EPRS1: variants seen among roughly 807,000 people sequenced by gnomAD.
EPRS1 encodes the protein bifunctional glutamate/proline--tRNA ligase.
A neutral mutation model predicts 188.3 loss-of-function variants in EPRS1; 107 were observed. The ratio of observed to expected loss-of-function variants is 0.57; its 90% CI spans 0.49 to 0.67. The LOEUF (loss-of-function observed/expected upper bound fraction) is 0.67, where lower values mean the gene tolerates loss of function less well. Ranked by LOEUF, EPRS1 falls within the 30% of genes least tolerant of loss-of-function variation. EPRS1 has a pLI of 0.00. For missense variants in EPRS1, 1,577 were observed against 1,802.2 expected (o/e 0.88, Z 2.26); for synonymous variants, 596 against 593.1 (o/e 1.00, Z -0.07).
At chr1:219,984,880 T>G (rs1369759424) in intron 20 of EPRS1, among the ~76,000 whole-genome samples, 1 of 151,840 alleles carries the variant, frequency 6.6e-6, no homozygotes, top group African/African-American at 2.4e-5. Context: ...CTGTCTCTAC[T>G]AAAAACAAAA....
At chr1:219,970,380 G>A (rs938366712) in intron 30 of EPRS1, among the ~76,000 whole-genome samples, 3 of 151,618 alleles carry the variant, frequency 2.0e-5, no homozygotes, top group African/African-American at 7.3e-5. Flanking sequence ...AGCTTCTTCA[G>A]CAGCTTCTCA....
At position 219,985,049 on chromosome 1, in the gene EPRS1, GAAA is replaced by G. The variant is rs1305874124; in HGVS notation, c.3039-795_3039-793del. ...ACAAAAGTGAAACTCCGTCTCAAAA[GAAA>G]AAAAAAAAAAAAAGAAAGAAACAAA... On this transcript the variant is annotated intron_variant, in intron 20 of 31. Coordinates refer to ENST00000366923, the MANE Select transcript of EPRS1 (RefSeq NM_004446.3). 8.4e-3 allele frequency among the ~76,000 whole-genome samples: 801 copies of G among 95,242 alleles called. 9 individuals carry two copies. Among genetic ancestry groups the G allele is most frequent in the African/African-American group, 0.027 (777 of 28,906 alleles). 62.5% of individuals were successfully genotyped at this position (95,242 alleles called of 152,430 possible). A position where few individuals can be genotyped will look rare whatever the true frequency, so the allele number is the denominator to read the frequency against.
intron 17 of EPRS1, 40 bp downstream of exon 17, chr1:220,001,098 G>A (rs1414636940): frequency 4.6e-6 from 5 of 1,080,628 alleles, no homozygotes; most frequent in South Asian, 1.2e-5. Context: ...GGGATAGAAA[G>A]ACCATTTATT....
chr1:219,971,943 A>T (rs1056081876), intron 30 of EPRS1, 126 bp downstream of exon 30: 1 of 419,370 alleles, frequency 2.4e-6, no homozygotes, highest in Non-Finnish European at 4.3e-6. Context: ...ATAAATGTTG[A>T]GTAATGTACT....
chr1:219,983,336 G>A lies in EPRS1; in HGVS notation c.3153C>T (p.Pro1051=), dbSNP rs1660935714. The A allele has an allele frequency of 6.2e-7, 1 of 1,613,886 alleles. No individual in the cohort carries two copies. The highest frequency in any genetic ancestry group is 1.3e-5 in the African/African-American group (1 of 74,928). Residue 1051 remains proline, a synonymous_variant, in exon 22 of 32, where the codon CCC becomes CCT. Coordinates refer to ENST00000366923, the MANE Select transcript of EPRS1 (RefSeq NM_004446.3). The stretch of plus-strand genomic sequence containing the variant: ...TGGCTTCCCAAATGGCATAGGCCCA[G>A]GGACGAAGAATATAACAGCCACTTA... ...HDISGCYILR[P]WAYAIWEAIK...
chr1:219,972,230 TG>T (rs1366381437), intron 29 of EPRS1, 83 bp from the exon 30 acceptor site: 25 of 864,166 alleles, frequency 2.9e-5, no homozygotes, highest in South Asian at 2.4e-4. Flanking sequence ...CACAATTTAA[TG>T]AAAAGACAAC....
Position 219,968,735 on chromosome 1 carries a change from T to A in EPRS1, c.*71A>T. On this transcript the variant is annotated 3_prime_UTR_variant, in exon 32 of 32. Transcript: ENST00000366923. ...TTTTAAAAAATCATAAAACGGTCTG[T>A]ATCTGAGAAGATACTAATATCAATG... 1 of 1,441,740 alleles carries A rather than the reference T, an allele frequency of 6.9e-7. No homozygotes were observed. Among genetic ancestry groups the A allele is most frequent in the Non-Finnish European group, 9.7e-7 (1 of 1,027,822 alleles). The allele number at this position is 1,441,740 out of a possible 1,614,324, so 89.3% of individuals were successfully genotyped here.
chr1:220,012,602 T>G (rs564714942), intron 12 of EPRS1, among the ~76,000 whole-genome samples: 1 of 152,316 alleles, frequency 6.6e-6, no homozygotes, highest in South Asian at 2.1e-4. Context: ...TTCAAAGACT[T>G]AAAAGGTATT....
rs1219105736 is a variant in EPRS1 at position 220,033,512 on chromosome 1, G to A, written c.378C>T (p.Ala126=). 1 of 1,607,844 alleles carries A rather than the reference G, an allele frequency of 6.2e-7. No homozygotes were observed. Among genetic ancestry groups the A allele is most frequent in the Admixed American group, 1.7e-5 (1 of 58,596 alleles). Reference sequence around the variant, plus strand: ...AAGAATTATTGATACCTTTTAGGGTGGCCCAAACACATAAATCTGCTAAAC... The same window carrying A: ...AAGAATTATTGATACCTTTTAGGGTAGCCCAAACACATAAATCTGCTAAAC... The part of the protein sequence containing the change: ...SLSLADLCVW[A]TLKGNAAWQE... Residue 126 remains alanine, a synonymous_variant, in exon 4 of 32, where the codon GCC becomes GCT. Coordinates refer to ENST00000366923, the MANE Select transcript of EPRS1 (RefSeq NM_004446.3).
chr1:219,973,524 A>ACAAC, intron 28 of EPRS1, 126 bp from the exon 29 acceptor site: 1 of 474,054 alleles, frequency 2.1e-6, no homozygotes. Flanking sequence ...AGCCAAAAAA[A>ACAAC]ACAAGAGAAA....
In EPRS1 at chr1:219,983,315, T is replaced by C. The variant is rs766687895; in HGVS notation, c.3174A>G (p.Glu1058=). ...CAGCATCAAAAAAGTCCTTGATGGCTTCCCAAATGGCATAGGCCCAGGGAC... is the reference window on the plus strand; with the variant it reads ...CAGCATCAAAAAAGTCCTTGATGGCCTCCCAAATGGCATAGGCCCAGGGAC... ...ILRPWAYAIW[E]AIKDFFDAEI... The change falls in exon 22 of 32, where the codon GAA becomes GAG. Residue 1058 remains glutamate, a synonymous_variant. Coordinates refer to ENST00000366923, the MANE Select transcript of EPRS1 (RefSeq NM_004446.3). 9 of 1,613,788 alleles carry C rather than the reference T, an allele frequency of 5.6e-6. No homozygotes were observed. The Admixed American group carries it at 1.0e-4, about 18-fold the overall frequency.
chr1:219,989,006 A>C (rs1661068238), intron 18 of EPRS1, among the ~76,000 whole-genome samples, 183 bp from the exon 19 acceptor site: 1 of 152,182 alleles, frequency 6.6e-6, no homozygotes. Context: ...ATTATATATA[A>C]GCTGAATAAA....
chr1:220,041,296 C>T (rs1037027956), intron 1 of EPRS1, among the ~76,000 whole-genome samples: 3 of 151,482 alleles, frequency 2.0e-5, no homozygotes, highest in African/African-American at 7.3e-5. Flanking sequence ...TGCACCACTG[C>T]GTTCCTGCCT....
chr1:219,983,420 T>C (rs531218241), intron 21 of EPRS1, 22 bp from the exon 22 acceptor site: 258 of 1,574,052 alleles, frequency 1.6e-4, no homozygotes, highest in Admixed American at 3.4e-4. Context: ...AAAAATAGTC[T>C]TTAAAGCTTA....
rs1008682926 is a variant in EPRS1 at position 220,046,496 on chromosome 1, C to G, written c.-108G>C. ...AACGTGTGCGCGTACCCGACGCCGC[C>G]GCAGCCTTCGCTCCGCCCCTGCGCC... On this transcript the variant is annotated 5_prime_UTR_variant, in exon 1 of 32. Coordinates refer to ENST00000366923, the MANE Select transcript of EPRS1 (RefSeq NM_004446.3). The G allele has an allele frequency of 5.3e-6, 8 of 1,517,364 alleles. No homozygotes were observed. Among genetic ancestry groups the G allele is most frequent in the Middle Eastern group, 3.7e-4 (2 of 5,384 alleles). 94.0% of individuals were successfully genotyped at this position (1,517,364 alleles called of 1,614,324 possible). A position where few individuals can be genotyped will look rare whatever the true frequency, so the allele number is the denominator to read the frequency against.
At chr1:220,036,989 G>C (rs1390122818) in intron 2 of EPRS1, among the ~76,000 whole-genome samples, 1 of 151,580 alleles carries the variant, frequency 6.6e-6, no homozygotes, top group African/African-American at 2.4e-5. Flanking sequence ...AGAAAAATGG[G>C]ATAATAAAGT....
Position 220,032,458 on chromosome 1 carries a change from A to C in EPRS1, c.457T>G (p.Phe153Val), listed in dbSNP as rs1662105752. Residue 153 changes from phenylalanine (F) to valine (V), a missense_variant, in exon 5 of 32, where the codon TTT becomes GTT. Coordinates refer to ENST00000366923, the MANE Select transcript of EPRS1 (RefSeq NM_004446.3). ...APVHVKRWFGFLEAQQAFQSV... is the reference protein window; with the variant it reads ...APVHVKRWFGVLEAQQAFQSV... ...TGGAAGGCCTGCTGGGCTTCAAGAA[A>C]GCCAAACCAACGTTTTACATGAACT... The C allele has an allele frequency of 6.2e-7, 1 of 1,613,952 alleles. No homozygotes were observed. Among genetic ancestry groups the C allele is most frequent in the East Asian group, 2.2e-5 (1 of 44,864 alleles).
Position 220,022,360 on chromosome 1 carries a change from C to T in EPRS1, c.1102G>A (p.Gly368Arg). Residue 368 changes from glycine (G) to arginine (R), a missense_variant, in exon 9 of 32, where the codon GGA becomes AGA. Coordinates refer to ENST00000366923, the MANE Select transcript of EPRS1 (RefSeq NM_004446.3). ...RCKIQPHPRTGNKYNVYPTYD... is the reference protein window; with the variant it reads ...RCKIQPHPRTRNKYNVYPTYD... ...AGATATACTTACTTGTATTTATTTCCAGTTCTTGGATGTGGTTGAATTTTG... is the reference window on the plus strand; with the variant it reads ...AGATATACTTACTTGTATTTATTTCTAGTTCTTGGATGTGGTTGAATTTTG... 2 of 1,612,520 alleles carry T rather than the reference C, an allele frequency of 1.2e-6. No individual in the cohort carries two copies. Among genetic ancestry groups the T allele is most frequent in the Non-Finnish European group, 1.7e-6 (2 of 1,179,382 alleles).
intron 28 of EPRS1, among the ~76,000 whole-genome samples, chr1:219,976,103 A>G (rs1660776014): frequency 1.3e-5 from 2 of 152,176 alleles, no homozygotes; most frequent in African/African-American, 4.8e-5. Context: ...AGGACACAAA[A>G]GCCAGCTTTA....
Sources: gnomAD v4.1 joint callset for allele counts (sites outside exome capture counted in the v4.1 genomes callset) on GRCh38, gnomAD v4.1.1 for gene constraint, MANE v1.5 for transcripts, NCBI Gene and HGNC (gene_info 2026-07-23, HGNC 2026-07-21) for gene names.